The following MEGF11 variants were observed in gnomAD, a reference collection of about 807,000 sequenced individuals.
MEGF11 encodes the protein multiple epidermal growth factor-like domains protein 11.
Under a neutral mutation model 146.6 loss-of-function variants are expected in MEGF11, and 126 were observed. The ratio of observed to expected loss-of-function variants is 0.86; its 90% CI spans 0.74 to 1.00. The LOEUF (loss-of-function observed/expected upper bound fraction) is 1.00. Ranked by LOEUF, MEGF11 falls within the 50% of genes least tolerant of loss-of-function variation. The pLI is 0.00. For missense variants in MEGF11, 1,509 were observed against 1,521.2 expected, an observed-to-expected ratio of 0.99 and a Z score of 0.13; for synonymous variants, 532 against 583.4, an observed-to-expected ratio of 0.91 and a Z score of 1.27.
intron 1 of MEGF11, among the ~76,000 whole-genome samples, chr15:66,216,071 C>A (rs1422849709): frequency 6.6e-6 from 1 of 152,120 alleles, no homozygotes; most frequent in Non-Finnish European, 1.5e-5. Flanking sequence ...AACAGGCGCT[C>A]AGGCTGGAAA....
At chr15:65,917,151 A>G (rs1332482201) in intron 16 of MEGF11, among the ~76,000 whole-genome samples, 195 bp from the exon 17 acceptor site, 1 of 152,152 alleles carries the variant, frequency 6.6e-6, no homozygotes, top group Non-Finnish European at 1.5e-5. Flanking sequence ...CAGGATTCCC[A>G]TTAAGCCCAG....
At chr15:65,940,287 G>A (rs2079941048) in intron 10 of MEGF11, among the ~76,000 whole-genome samples, 1 of 152,176 alleles carries the variant, frequency 6.6e-6, no homozygotes. Context: ...GCACACAAGA[G>A]TTGCATGCTT....
rs544027441 is a variant in MEGF11, at chr15:65,988,061, G to A, written c.395-5573C>T. Among the ~76,000 whole-genome samples the A allele has an allele frequency of 2.1e-5, 3 of 145,456 alleles. No individual in the cohort carries two copies. In the East Asian group the frequency reaches 6.7e-4, roughly 32 times the overall value. ...CTCGCTCTGTCCCCCAGGCTGGAGT[G>A]CAGTGGTGCGATATCTGCTCACTGC... On this transcript the variant is annotated intron_variant, in intron 5 of 25. Transcript: ENST00000395614.
intron 5 of MEGF11, among the ~76,000 whole-genome samples, chr15:66,046,748 C>A (rs1314617133): frequency 1.3e-5 from 2 of 152,206 alleles, no homozygotes; most frequent in Non-Finnish European, 2.9e-5. Flanking sequence ...CAATACCCAG[C>A]CAAGCCTGAC....
rs549179139 is a variant in MEGF11, at chr15:66,093,967, G to A, written c.394+435C>T. Among the ~76,000 whole-genome samples, 4 of 152,286 alleles carry A rather than the reference G, an allele frequency of 2.6e-5. No individual in the cohort carries two copies. In the East Asian group the frequency reaches 7.7e-4, roughly 29 times the overall value. On this transcript the variant is annotated intron_variant, in intron 5 of 25. Transcript: ENST00000395614. ...ACAGAGACATCCCAAATGTCCACCAGTCTCACAAATCACTTCCTCTGAGCC... is the reference window on the plus strand; with the variant it reads ...ACAGAGACATCCCAAATGTCCACCAATCTCACAAATCACTTCCTCTGAGCC...
chr15:66,018,804 A>G (rs902822615), intron 5 of MEGF11, among the ~76,000 whole-genome samples: 1 of 152,206 alleles, frequency 6.6e-6, no homozygotes, highest in African/African-American at 2.4e-5. Flanking sequence ...ACTGAGACCA[A>G]AAGAAACATT....
intron 10 of MEGF11, among the ~76,000 whole-genome samples, chr15:65,955,465 C>T (rs758158290): frequency 6.7e-6 from 1 of 149,134 alleles, no homozygotes; most frequent in Non-Finnish European, 1.5e-5. Context: ...ATATTTAGGC[C>T]AGAAGTGGTG....
At chr15:65,911,287 T>C (rs2078796193) in intron 21 of MEGF11, among the ~76,000 whole-genome samples, 1 of 152,220 alleles carries the variant, frequency 6.6e-6, no homozygotes, top group African/African-American at 2.4e-5. Flanking sequence ...ACTGATGAAA[T>C]GGATAGGTTC....
chr15:66,061,746 C>T (rs1358641772), intron 5 of MEGF11, among the ~76,000 whole-genome samples: 3 of 151,954 alleles, frequency 2.0e-5, no homozygotes, highest in Non-Finnish European at 2.9e-5. Context: ...AAAAATCCTC[C>T]CGCTTTGGCC....
At position 65,986,792 on chromosome 15, in the gene MEGF11, C is replaced by CTTTTT. The variant is rs1491353062; in HGVS notation, c.395-4305_395-4304insAAAAA. Among the ~76,000 whole-genome samples the CTTTTT allele has an allele frequency of 1.2e-3, 157 of 133,984 alleles. 4 individuals carry two copies. Among genetic ancestry groups the CTTTTT allele is most frequent in the African/African-American group, 4.0e-3 (146 of 36,894 alleles). 87.9% of individuals were successfully genotyped at this position (133,984 alleles called of 152,430 possible). A position where few individuals can be genotyped will look rare whatever the true frequency, so the allele number is the denominator to read the frequency against. On this transcript the variant is annotated intron_variant, in intron 5 of 25. Coordinates refer to ENST00000395614, the MANE Select transcript of MEGF11 (RefSeq NM_001385028.1). ...TTATATTGGGCTTTGGCTGATTTTT[C>CTTTTT]CTTTTTTTTTTTTTTTTTTTTTGAG... is the stretch of plus-strand genomic sequence containing the variant.
chr15:66,114,404 CA>C (rs1268758899), intron 4 of MEGF11, among the ~76,000 whole-genome samples: 2 of 152,312 alleles, frequency 1.3e-5, no homozygotes, highest in East Asian at 3.9e-4. Flanking sequence ...AATTAAACTT[CA>C]CTGTTTCAAG....
At chr15:66,110,401 C>T (rs180679999) in intron 4 of MEGF11, among the ~76,000 whole-genome samples, 1 of 152,156 alleles carries the variant, frequency 6.6e-6, no homozygotes, top group East Asian at 1.9e-4. Context: ...TCTAAGCCCA[C>T]GGACTGGGGA....
chr15:66,109,580 T>C (rs1324203737), intron 4 of MEGF11, among the ~76,000 whole-genome samples: 1 of 152,068 alleles, frequency 6.6e-6, no homozygotes, highest in Non-Finnish European at 1.5e-5. Flanking sequence ...AAAGCCGAGG[T>C]ATGGAGAGGC....
At chr15:66,230,834 T>C (rs1366552652) in intron 1 of MEGF11, among the ~76,000 whole-genome samples, 4 of 152,186 alleles carry the variant, frequency 2.6e-5, no homozygotes. Flanking sequence ...AGAGGCATTA[T>C]TCTCACCCAT....
rs571496591 is a variant in MEGF11, at chr15:65,965,090, G to A, written c.930C>T (p.Phe310=). The A allele has an allele frequency of 5.3e-5, 84 of 1,595,144 alleles. No homozygotes were observed. In the East Asian group the frequency reaches 5.9e-4, roughly 11 times the overall value. Reference sequence around the variant, plus strand: ...CACAGTGCTGTGAGCACTGGAAGCCGAAGGACCCGAAGGGGCACTCCTCTT... The same window carrying A: ...CACAGTGCTGTGAGCACTGGAAGCCAAAGGACCCGAAGGGGCACTCCTCTT... The part of the protein sequence containing the change: ...RCQEECPFGS[F]GFQCSQHCDC... The change falls in exon 9 of 26, where the codon TTC becomes TTT. Residue 310 remains phenylalanine, a synonymous_variant. Transcript: ENST00000395614.
At chr15:66,139,228 T>C (rs1388988327) in intron 1 of MEGF11, among the ~76,000 whole-genome samples, 2 of 152,152 alleles carry the variant, frequency 1.3e-5, no homozygotes, top group African/African-American at 4.8e-5. Flanking sequence ...CTTCCAGAAC[T>C]TGAGCACCCT....
At chr15:65,996,644 C>T (rs915606416) in intron 5 of MEGF11, among the ~76,000 whole-genome samples, 2 of 152,032 alleles carry the variant, frequency 1.3e-5, no homozygotes, top group Admixed American at 1.3e-4. Flanking sequence ...AGCCATCACA[C>T]CCAGCTAATT....
intron 15 of MEGF11, among the ~76,000 whole-genome samples, chr15:65,920,604 T>G (rs773882408): frequency 6.6e-6 from 1 of 152,256 alleles, no homozygotes; most frequent in African/African-American, 2.4e-5. Context: ...ATTGGTCGAC[T>G]TCTTAGCTGA....
At chr15:66,190,569 G>C (rs1190386463) in intron 1 of MEGF11, among the ~76,000 whole-genome samples, 3 of 152,198 alleles carry the variant, frequency 2.0e-5, no homozygotes. Flanking sequence ...AAAGGGAAAG[G>C]AGTGGAGGAA....
Sources: allele counts gnomAD v4.1 joint callset (sites outside exome capture counted in the v4.1 genomes callset), GRCh38; gene constraint gnomAD v4.1.1; transcripts MANE v1.5; gene names NCBI Gene and HGNC (gene_info 2026-07-23, HGNC 2026-07-21).